ADCY2: variants seen among roughly 807,000 people sequenced by gnomAD.
The protein encoded by ADCY2 is adenylate cyclase type 2.
A neutral mutation model predicts 125.2 loss-of-function variants in ADCY2; 31 were observed. The observed-to-expected ratio is 0.25, with a 90% confidence interval of 0.19 to 0.33. The LOEUF (loss-of-function observed/expected upper bound fraction) is 0.33, where lower values mean the gene tolerates loss of function less well. Ranked by LOEUF, ADCY2 falls within the 10% of genes least tolerant of loss-of-function variation. ADCY2 has a pLI of 1.00. For synonymous variants in ADCY2, 512 were observed against 548.4 expected (o/e 0.93, Z 0.93); for missense variants, 904 against 1,418.2 (o/e 0.64, Z 5.82).
chr5:7,614,801 T>G (rs1177990642), intron 3 of ADCY2, among the ~76,000 whole-genome samples: 1 of 152,338 alleles, frequency 6.6e-6, no homozygotes, highest in African/African-American at 2.4e-5. Context: ...TTGCAGTGAC[T>G]GCTTCCACCA....
intron 3 of ADCY2, among the ~76,000 whole-genome samples, chr5:7,542,035 G>A (rs1386124350): frequency 6.6e-6 from 1 of 152,124 alleles, no homozygotes; most frequent in Non-Finnish European, 1.5e-5. Context: ...TGACTCATGT[G>A]ATCATCCACA....
chr5:7,545,355 C>T lies in ADCY2; in HGVS notation c.570+24456C>T, dbSNP rs140353218. On this transcript the variant is annotated intron_variant, in intron 3 of 24. Coordinates refer to ENST00000338316, the MANE Select transcript of ADCY2 (RefSeq NM_020546.3). The stretch of plus-strand genomic sequence containing the variant: ...GTGCCTTTGGTTTCTCTCCTTTCTA[C>T]AAGGAAAAGAAAAATAATTTATTAG... 3.8e-3 allele frequency among the ~76,000 whole-genome samples: 578 copies of T among 152,226 alleles called. 2 individuals carry two copies. Among genetic ancestry groups the T allele is most frequent in the African/African-American group, 0.013 (537 of 41,540 alleles).
intron 2 of ADCY2, among the ~76,000 whole-genome samples, chr5:7,446,416 G>T (rs1258034091): frequency 6.6e-6 from 1 of 152,012 alleles, no homozygotes; most frequent in African/African-American, 2.4e-5. Context: ...CTTTTGCCTG[G>T]TAATTTCTTT....
intron 18 of ADCY2, among the ~76,000 whole-genome samples, chr5:7,776,120 GA>G: frequency 7.1e-6 from 1 of 141,532 alleles, no homozygotes; most frequent in East Asian, 2.2e-4. Context: ...TCAAATAATT[GA>G]AATCAGTTTT....
intron 4 of ADCY2, among the ~76,000 whole-genome samples, chr5:7,684,838 T>C (rs1740460484): frequency 6.6e-6 from 1 of 151,936 alleles, no homozygotes. Context: ...CCAGGGTTTG[T>C]TAAGTGAGAA....
intron 2 of ADCY2, among the ~76,000 whole-genome samples, chr5:7,484,886 C>T (rs1353293011): frequency 2.0e-5 from 3 of 152,134 alleles, no homozygotes; most frequent in Non-Finnish European, 4.4e-5. Flanking sequence ...CATAAACTGC[C>T]ATCCCATTCC....
intron 2 of ADCY2, among the ~76,000 whole-genome samples, chr5:7,461,983 A>G (rs1347931919): frequency 6.6e-6 from 1 of 152,208 alleles, no homozygotes; most frequent in East Asian, 1.9e-4. Flanking sequence ...AATGCCATGG[A>G]GGGCAAGGCT....
chr5:7,812,527 A>G (rs1744977823), intron 22 of ADCY2, among the ~76,000 whole-genome samples: 1 of 152,190 alleles, frequency 6.6e-6, no homozygotes, highest in South Asian at 2.1e-4. Flanking sequence ...CTACACTATC[A>G]TGAAGGAGAC....
At chr5:7,758,172 C>T (rs1420817244) in intron 16 of ADCY2, among the ~76,000 whole-genome samples, 1 of 152,226 alleles carries the variant, frequency 6.6e-6, no homozygotes, top group Non-Finnish European at 1.5e-5. Context: ...GGAACCAAGA[C>T]TTCTCTACCA....
chr5:7,462,744 G>T lies in ADCY2; in HGVS notation c.408+47974G>T, dbSNP rs563792091. On this transcript the variant is annotated intron_variant, in intron 2 of 24. Transcript: ENST00000338316. ...CTTTTTCAGTGTCAGGTGCTCATTC[G>T]TGGTGTAAATAACAATTCTGTGTTA... 1.2e-4 allele frequency among the ~76,000 whole-genome samples: 18 copies of T among 152,310 alleles called. No individual in the cohort carries two copies. In the South Asian group the frequency reaches 3.3e-3, roughly 28 times the overall value.
At chr5:7,677,119 A>C (rs957707362) in intron 4 of ADCY2, among the ~76,000 whole-genome samples, 3 of 152,084 alleles carry the variant, frequency 2.0e-5, no homozygotes. Context: ...TCTACTAAAA[A>C]TACAAAAAGT....
At chr5:7,661,565 C>G (rs1308001620) in intron 4 of ADCY2, among the ~76,000 whole-genome samples, 3 of 152,198 alleles carry the variant, frequency 2.0e-5, no homozygotes, top group Non-Finnish European at 4.4e-5. Context: ...ATTGGTTTAT[C>G]CCGACACTTG....
chr5:7,636,794 G>T (rs1316762593), intron 4 of ADCY2, among the ~76,000 whole-genome samples: 1 of 152,144 alleles, frequency 6.6e-6, no homozygotes, highest in African/African-American at 2.4e-5. Context: ...AGTGACCACT[G>T]GTCTTGAACA....
intron 4 of ADCY2, among the ~76,000 whole-genome samples, chr5:7,689,015 A>G (rs1400086687): frequency 6.6e-6 from 1 of 152,236 alleles, no homozygotes; most frequent in South Asian, 2.1e-4. Context: ...GTAGTTCTTT[A>G]TATAAAGATG....
chr5:7,740,225 A>G (rs1399312377), intron 14 of ADCY2, among the ~76,000 whole-genome samples: 1 of 152,038 alleles, frequency 6.6e-6, no homozygotes, highest in Non-Finnish European at 1.5e-5. Flanking sequence ...ATTCCTGACA[A>G]TAAAGAATTC....
chr5:7,491,142 A>C (rs1743148489), intron 2 of ADCY2, among the ~76,000 whole-genome samples: 2 of 152,252 alleles, frequency 1.3e-5, no homozygotes, highest in Admixed American at 1.3e-4. Flanking sequence ...TGAGTGTTTT[A>C]CTTGGTTTAT....
At chr5:7,691,003 C>A in intron 5 of ADCY2, 164 bp downstream of exon 5, 1 of 688,308 alleles carries the variant, frequency 1.5e-6, no homozygotes, top group Non-Finnish European at 2.1e-6. Context: ...CCTGTTCCTG[C>A]CTCTCAGGGC....
intron 1 of ADCY2, among the ~76,000 whole-genome samples, chr5:7,408,362 G>A (rs187046606): frequency 2.2e-4 from 34 of 152,072 alleles, no homozygotes; most frequent in Non-Finnish European, 4.0e-4. Flanking sequence ...TTTACATTAG[G>A]TGGCTATTAT....
chr5:7,443,266 G>T (rs911219877), intron 2 of ADCY2, among the ~76,000 whole-genome samples: 20 of 152,090 alleles, frequency 1.3e-4, no homozygotes, highest in African/African-American at 2.2e-4. Flanking sequence ...TTAAAATTAT[G>T]AGATCGGAAC....
Sources: gnomAD v4.1 joint callset for allele counts (sites outside exome capture counted in the v4.1 genomes callset) on GRCh38, gnomAD v4.1.1 for gene constraint, MANE v1.5 for transcripts, NCBI Gene and HGNC (gene_info 2026-07-23, HGNC 2026-07-21) for gene names.